NXNL1: variants seen among roughly 807,000 people sequenced by gnomAD.
The protein encoded by NXNL1 is nucleoredoxin like 1, also known as nucleoredoxin-like protein 1.
A neutral mutation model predicts 7.2 loss-of-function variants in NXNL1; 6 were observed. That is an observed-to-expected ratio of 0.83 (90% CI 0.46 to 1.64). NXNL1 has a LOEUF of 1.64. Among genes scored for constraint, NXNL1 ranks in the 40% most tolerant of loss-of-function variants. The probability of loss-of-function intolerance (pLI) is 0.01; values close to 1 mark genes in which losing one functional copy is unlikely to be tolerated. For synonymous variants in NXNL1, 133 were observed against 127.2 expected (o/e 1.05, Z -0.31); for missense variants, 308 against 285.1 (o/e 1.08, Z -0.58).
chr19:17,457,646 TACAGGCATGA>T (rs1464712983), intron 1 of NXNL1, among the ~76,000 whole-genome samples: 1 of 152,198 alleles, frequency 6.6e-6, no homozygotes, highest in Non-Finnish European at 1.5e-5. Flanking sequence ...GCACTGGGAT[TACAGGCATGA>T]ACCACTGCAC....
Position 17,455,871 on chromosome 19 carries a change from C to CGGCGCCGTCGCGA in NXNL1, c.402_414dup (p.Asp139SerfsTer82), listed in dbSNP as rs2074991282. 6.3e-7 allele frequency: 1 copy of CGGCGCCGTCGCGA among 1,589,440 alleles called. No individual in the cohort carries two copies. The highest frequency in any genetic ancestry group is 8.5e-7 in the Non-Finnish European group (1 of 1,174,616). On this transcript the variant is annotated frameshift_variant, in exon 2 of 2. Transcript: ENST00000301944. LOFTEE classifies it low-confidence loss of function (END_TRUNC). Reference sequence around the variant, plus strand: ...GCGGTGCCCAGGCGCTGGATCTCGTCGGCGCCGTCGCGAGTGAGCACGTCC... The same window carrying CGGCGCCGTCGCGA: ...GCGGTGCCCAGGCGCTGGATCTCGTCGGCGCCGTCGCGAGGCGCCGTCGCGAGTGAGCACGTCC...
chr19:17,460,824 C>T lies in NXNL1; in HGVS notation c.46G>A (p.Asp16Asn), dbSNP rs140610859. 4,022 of 1,613,758 alleles carry T rather than the reference C, an allele frequency of 2.5e-3. 9 individuals carry two copies. Among genetic ancestry groups the T allele is most frequent in the Admixed American group, 4.4e-3 (265 of 60,002 alleles). Reference protein sequence around the residue: ...SGRILIRNNSDQDELDTEAEV... With the variant: ...SGRILIRNNSNQDELDTEAEV... ...GCCTCCGTATCCAGCTCGTCCTGGT[C>T]GCTATTGTTGCGGATCAGGATGCGG... The change falls in exon 1 of 2, where the codon GAC (aspartate) becomes AAC (asparagine). Residue 16 changes from aspartate to asparagine, a missense_variant. By Grantham distance (23) the Asp-to-Asn change is conservative (BLOSUM62 1). Transcript: ENST00000301944.
rs758651108 is a variant in NXNL1 at position 17,455,742 on chromosome 19, G to A, written c.544C>T (p.Arg182Cys). 2.6e-6 allele frequency: 4 copies of A among 1,538,556 alleles called. No homozygotes were observed. Among genetic ancestry groups the A allele is most frequent in the Admixed American group, 3.9e-5 (2 of 51,036 alleles). ...QEPRSLTECL[R>C]RHKYRVEKAA... ...TTTTCCACGCGGTACTTGTGGCGGC[G>A]CAGGCACTCGGTGAGGCTCCGTGGC... The change falls in exon 2 of 2, where the codon CGC (arginine) becomes TGC (cysteine). Residue 182 changes from arginine to cysteine, a missense_variant. By Grantham distance (180) the Arg-to-Cys change is radical. Coordinates refer to ENST00000301944, the MANE Select transcript of NXNL1 (RefSeq NM_138454.2).
In NXNL1 at chr19:17,460,875, C is replaced by A; in HGVS notation, c.-6G>T. 1 of 1,612,468 alleles carries A rather than the reference C, an allele frequency of 6.2e-7. No individual in the cohort carries two copies. Among genetic ancestry groups the A allele is most frequent in the Non-Finnish European group, 8.5e-7 (1 of 1,180,002 alleles). ...CCAGAGAACAGGGAGGCCATGGTAA[C>A]CTGGGTTGGGTGCTGGGGACAGCGC... On this transcript the variant is annotated 5_prime_UTR_variant, in exon 1 of 2. Transcript: ENST00000301944.
chr19:17,455,988 G>A, intron 1 of NXNL1, 29 bp from the exon 2 acceptor site: 1 of 1,596,956 alleles, frequency 6.3e-7, no homozygotes, highest in South Asian at 1.1e-5. Flanking sequence ...AGTCTGGACG[G>A]ATCCACATCC....
chr19:17,460,744 C>T lies in NXNL1; in HGVS notation c.126G>A (p.Gly42=). Residue 42 remains glycine (G), a synonymous_variant, in exon 1 of 2, where the codon GGG becomes GGA. Coordinates refer to ENST00000301944, the MANE Select transcript of NXNL1 (RefSeq NM_138454.2). ...CGAAGGCCTGGCACTGTGGACAAGC[C>T]CCAGCACCAAAGAACAGCAGCACCA... ...NRLVLLFFGA[G]ACPQCQAFVP... 1 of 1,613,748 alleles carries T rather than the reference C, an allele frequency of 6.2e-7. No individual in the cohort carries two copies. The highest frequency in any genetic ancestry group is 1.6e-4 in the Middle Eastern group (1 of 6,062).
At chr19:17,459,700 G>A (rs1020339067) in intron 1 of NXNL1, among the ~76,000 whole-genome samples, 1 of 151,568 alleles carries the variant, frequency 6.6e-6, no homozygotes, top group African/African-American at 2.4e-5. Flanking sequence ...TTACAGGTGT[G>A]AGCCACCGTA....
Position 17,460,829 on chromosome 19 carries a change from T to C in NXNL1, c.41A>G (p.Asn14Ser). The change falls in exon 1 of 2, where the codon AAT becomes AGT. Residue 14 changes from asparagine to serine, a missense_variant. By Grantham distance (46) the Asn-to-Ser change is conservative. Coordinates refer to ENST00000301944, the MANE Select transcript of NXNL1 (RefSeq NM_138454.2). ...CGTATCCAGCTCGTCCTGGTCGCTATTGTTGCGGATCAGGATGCGGCCAGA... is the reference window on the plus strand; with the variant it reads ...CGTATCCAGCTCGTCCTGGTCGCTACTGTTGCGGATCAGGATGCGGCCAGA... ...LFSGRILIRN[N>S]SDQDELDTEA... is the part of the protein sequence containing the mutation. 1.9e-6 allele frequency: 3 copies of C among 1,613,798 alleles called. No individual in the cohort carries two copies.
chr19:17,458,306 A>G (rs1224039845), intron 1 of NXNL1, among the ~76,000 whole-genome samples: 2 of 131,344 alleles, frequency 1.5e-5, no homozygotes, highest in Non-Finnish European at 1.6e-5. Context: ...TGCAAGCTCC[A>G]CCTCCCGGGT....
At chr19:17,460,073 C>T (rs559104779) in intron 1 of NXNL1, among the ~76,000 whole-genome samples, 13 of 152,234 alleles carry the variant, frequency 8.5e-5, no homozygotes, top group Non-Finnish European at 1.6e-4. Context: ...GGCAGTGGCA[C>T]GATCTTACCT....
chr19:17,455,933 T>C lies in NXNL1; in HGVS notation c.353A>G (p.Glu118Gly), dbSNP rs1651118847. The C allele has an allele frequency of 6.3e-7, 1 of 1,596,760 alleles. No homozygotes were observed. Among genetic ancestry groups the C allele is most frequent in the Non-Finnish European group, 8.5e-7 (1 of 1,178,992 alleles). Reference protein sequence around the residue: ...RRDLGRQFSVERLPAVVVLKP... With the variant: ...RRDLGRQFSVGRLPAVVVLKP... Reference sequence around the variant, plus strand: ...GAGCACCACGACCGCCGGCAGGCGCTCCACTGAGAACTGGCGCCCGAGGTC... The same window carrying C: ...GAGCACCACGACCGCCGGCAGGCGCCCCACTGAGAACTGGCGCCCGAGGTC... Residue 118 changes from glutamate (E) to glycine (G), a missense_variant, in exon 2 of 2, where the codon GAG becomes GGG. Coordinates refer to ENST00000301944, the MANE Select transcript of NXNL1 (RefSeq NM_138454.2).
chr19:17,459,054 C>A (rs1194475799), intron 1 of NXNL1, among the ~76,000 whole-genome samples: 2 of 152,138 alleles, frequency 1.3e-5, no homozygotes, highest in Admixed American at 6.6e-5. Flanking sequence ...AGCCACCATG[C>A]CTGGCTGGAC....
Position 17,455,713 on chromosome 19 carries a change from C to T in NXNL1, c.573G>A (p.Ala191=). 3.3e-6 allele frequency: 5 copies of T among 1,532,878 alleles called. No individual in the cohort carries two copies. Among genetic ancestry groups the T allele is most frequent in the Non-Finnish European group, 4.4e-6 (5 of 1,144,964 alleles). The allele number at this position is 1,532,878 out of a possible 1,614,324, so 95.0% of individuals were successfully genotyped here. ...CCCCGGGGTCGCGCCCGCCTCGCGC[C>T]GCCTTTTCCACGCGGTACTTGTGGC... is the stretch of plus-strand genomic sequence containing the variant. ...LRRHKYRVEK[A]ARGGRDPGGG... The change falls in exon 2 of 2, where the codon GCG becomes GCA. Residue 191 remains alanine (A), a synonymous_variant. Transcript: ENST00000301944.
rs75189705 is a variant in NXNL1 at position 17,460,752 on chromosome 19, C to T, written c.118G>A (p.Gly40Ser). The T allele has an allele frequency of 6.2e-7, 1 of 1,613,664 alleles. No individual in the cohort carries two copies. The highest frequency in any genetic ancestry group is 1.3e-5 in the African/African-American group (1 of 74,922). The change falls in exon 1 of 2, where the codon GGT (glycine) becomes AGT (serine). Residue 40 changes from glycine to serine, a missense_variant. By Grantham distance (56) the Gly-to-Ser change is moderately conservative. Transcript: ENST00000301944. Reference protein sequence around the residue: ...LENRLVLLFFGAGACPQCQAF... With the variant: ...LENRLVLLFFSAGACPQCQAF... ...TGGCACTGTGGACAAGCCCCAGCACCAAAGAACAGCAGCACCAGCCGGTTC... is the reference window on the plus strand; with the variant it reads ...TGGCACTGTGGACAAGCCCCAGCACTAAAGAACAGCAGCACCAGCCGGTTC...
Position 17,460,596 on chromosome 19 carries a change from T to G in NXNL1, c.274A>C (p.Lys92Gln). 1 of 1,607,788 alleles carries G rather than the reference T, an allele frequency of 6.2e-7. No individual in the cohort carries two copies. Among genetic ancestry groups the G allele is most frequent in the Non-Finnish European group, 8.5e-7 (1 of 1,179,996 alleles). Residue 92 changes from lysine to glutamine, a missense_variant, in exon 1 of 2, where the codon AAG (lysine) becomes CAG (glutamine). Physicochemically the swap from Lys to Gln is moderately conservative, Grantham distance 53 (BLOSUM62 1). Coordinates refer to ENST00000301944, the MANE Select transcript of NXNL1 (RefSeq NM_138454.2). ...AAAAGCCATTTCTTTGGCATGTCCT[T>G]GAGGAACAGGTCCTGCTGCTCCTCC... is the stretch of plus-strand genomic sequence containing the variant. Reference protein sequence around the residue: ...STEEQQDLFLKDMPKKWLFLP... With the variant: ...STEEQQDLFLQDMPKKWLFLP...
Position 17,455,570 on chromosome 19 carries a change from G to A in NXNL1, c.*77C>T, listed in dbSNP as rs1438654490. On this transcript the variant is annotated 3_prime_UTR_variant, in exon 2 of 2. Transcript: ENST00000301944. ...CCCGCCTTGGCCTCCCCAAGTGCTG[G>A]GATTACAGGCGTGCGGGGGTGGGGT... The A allele has an allele frequency of 7.7e-6, 7 of 904,822 alleles. No individual in the cohort carries two copies. In the South Asian group the frequency reaches 1.0e-4, roughly 13 times the overall value. The allele number at this position is 904,822 out of a possible 1,614,324, so 56.0% of individuals were successfully genotyped here. A position where few individuals can be genotyped will look rare whatever the true frequency, so the allele number is the denominator to read the frequency against.
At chr19:17,458,038 G>A (rs1231146539) in intron 1 of NXNL1, among the ~76,000 whole-genome samples, 1 of 152,056 alleles carries the variant, frequency 6.6e-6, no homozygotes, top group African/African-American at 2.4e-5. Flanking sequence ...ATGCATATAC[G>A]TGTATATAGA....
rs1212428701 is a variant in NXNL1, at chr19:17,455,681, C to A, written c.605G>T (p.Gly202Val). The A allele has an allele frequency of 4.1e-6, 6 of 1,476,150 alleles. No homozygotes were observed. Among genetic ancestry groups the A allele is most frequent in the Non-Finnish European group, 5.5e-6 (6 of 1,095,926 alleles). The allele number at this position is 1,476,150 out of a possible 1,614,324, so 91.4% of individuals were successfully genotyped here. A position where few individuals can be genotyped will look rare whatever the true frequency, so the allele number is the denominator to read the frequency against. ...CCCCCCGGCCCCGCCCTCCTCCCCA[C>A]CCCCTCCCCCGGGGTCGCGCCCGCC... ...ARGGRDPGGG[G>V]GEEGGAGGLF The change falls in exon 2 of 2, where the codon GGT becomes GTT. Residue 202 changes from glycine (G) to valine (V), a missense_variant. By Grantham distance (109) the Gly-to-Val change is moderately radical (BLOSUM62 -3). Transcript: ENST00000301944.
chr19:17,460,454 G>C (rs535161098), intron 1 of NXNL1, 90 bp downstream of exon 1: 3 of 1,380,652 alleles, frequency 2.2e-6, no homozygotes, highest in African/African-American at 2.8e-5. Flanking sequence ...CTGGCACACA[G>C]GGGCTGCTCA....
Sources: allele counts gnomAD v4.1 joint callset (sites outside exome capture counted in the v4.1 genomes callset), GRCh38; gene constraint gnomAD v4.1.1; transcripts MANE v1.5; gene names NCBI Gene and HGNC (gene_info 2026-07-23, HGNC 2026-07-21).